CLCN5: variants seen among roughly 807,000 people sequenced by gnomAD.
CLCN5 encodes the protein H(+)/Cl(-) exchange transporter 5.
Under a neutral mutation model 54.0 loss-of-function variants are expected in CLCN5, and 17 were observed. That is an observed-to-expected ratio of 0.31 (90% CI 0.22 to 0.47). CLCN5 has a LOEUF of 0.47. Ranked by LOEUF, CLCN5 falls within the 20% of genes least tolerant of loss-of-function variation. The pLI, the probability that CLCN5 is intolerant of heterozygous loss-of-function variation, is 1.00. For missense variants in CLCN5, 448 were observed against 646.7 expected, an observed-to-expected ratio of 0.69 and a Z score of 3.33; for synonymous variants, 222 against 233.0, an observed-to-expected ratio of 0.95 and a Z score of 0.43.
chrX:50,004,648 C>G, intron 3 of CLCN5, among the ~76,000 whole-genome samples: 1 of 111,771 alleles, frequency 8.9e-6, no homozygotes, highest in East Asian at 2.8e-4. Context: ...GGGCTCATGC[C>G]TGTAATCTCA....
chrX:49,995,440 G>A (rs933347283), intron 3 of CLCN5, among the ~76,000 whole-genome samples: 5 of 111,712 alleles, frequency 4.5e-5, no homozygotes, highest in Non-Finnish European at 9.4e-5. Flanking sequence ...CCGAGCAAGG[G>A]TAAAGTCAGT....
At chrX:49,981,693 C>CTT (rs5902467) in intron 3 of CLCN5, among the ~76,000 whole-genome samples, 4 of 96,393 alleles carry the variant, frequency 4.1e-5, no homozygotes, top group Non-Finnish European at 4.2e-5. Context: ...GCCATTGAAC[C>CTT]TTTTTTTTTT....
chrX:50,015,570 G>A (rs1259693305), intron 3 of CLCN5, among the ~76,000 whole-genome samples: 4 of 108,602 alleles, frequency 3.7e-5, no homozygotes, highest in Admixed American at 3.0e-4. Flanking sequence ...TCAGTCTATC[G>A]CTCTCTCTGT....
rs782679367 is a variant in CLCN5 at position 50,070,050 on chromosome X, A to G, written c.315+20A>G. 1.4e-5 allele frequency: 17 copies of G among 1,189,635 alleles called. No homozygotes were observed. Among genetic ancestry groups the G allele is most frequent in the Non-Finnish European group, 9.1e-6 (8 of 876,861 alleles). On this transcript the variant is annotated intron_variant, in intron 5 of 14. Coordinates refer to ENST00000376091, the MANE Select transcript of CLCN5 (RefSeq NM_001127898.4). ...CGAGAGGTAAGACAAAAGATGGCAC[A>G]TGGGTAAGTGTTAGGAAATACAGGG... is the stretch of plus-strand genomic sequence containing the variant.
chrX:49,942,866 C>G (rs1434505124), intron 3 of CLCN5, among the ~76,000 whole-genome samples: 1 of 108,213 alleles, frequency 9.2e-6, no homozygotes, highest in African/African-American at 3.4e-5. Flanking sequence ...AATAAACATA[C>G]GTGTACATGT....
chrX:49,945,861 A>G (rs951013602), intron 3 of CLCN5, among the ~76,000 whole-genome samples: 1 of 108,470 alleles, frequency 9.2e-6, no homozygotes. Context: ...GGTTCAAGCA[A>G]TTCTCCTGCC....
Position 50,094,186 on chromosome X carries a change from A to G in CLCN5, c.*1967A>G, listed in dbSNP as rs1448538603. On this transcript the variant is annotated 3_prime_UTR_variant, in exon 15 of 15. Transcript: ENST00000376091. Reference sequence around the variant, plus strand: ...AGGGTTATTTTATTTTTATCTTTAAAATAATCAAGGCAGTCGCTAGAGTTT... The same window carrying G: ...AGGGTTATTTTATTTTTATCTTTAAGATAATCAAGGCAGTCGCTAGAGTTT... 1.8e-5 allele frequency: 2 copies of G among 111,934 alleles called. No individual in the cohort carries two copies. Among genetic ancestry groups the G allele is most frequent in the Non-Finnish European group, 3.8e-5 (2 of 53,249 alleles). 9.2% of individuals were successfully genotyped at this position (111,934 alleles called of 1,213,427 possible).
chrX:49,958,938 TCTTA>T (rs1158989148), intron 3 of CLCN5, among the ~76,000 whole-genome samples: 5 of 112,137 alleles, frequency 4.5e-5, no homozygotes, highest in African/African-American at 1.6e-4. Context: ...GGGTAGATGA[TCTTA>T]CTTTGAAAAA....
intron 3 of CLCN5, among the ~76,000 whole-genome samples, chrX:50,009,436 T>A (rs575146594): frequency 8.9e-6 from 1 of 111,758 alleles, no homozygotes; most frequent in African/African-American, 3.2e-5. Context: ...CCACATACAG[T>A]TTGTCCCAAC....
intron 3 of CLCN5, among the ~76,000 whole-genome samples, chrX:49,956,505 C>T (rs1034719612): frequency 6.3e-5 from 7 of 111,894 alleles, no homozygotes; most frequent in Non-Finnish European, 9.4e-5. Context: ...GTTGTTATTC[C>T]GTTGTCATGG....
At chrX:50,014,501 T>C (rs1323581623) in intron 3 of CLCN5, 2 of 283,827 alleles carry the variant, frequency 7.0e-6, no homozygotes, top group African/African-American at 5.8e-5. Flanking sequence ...TCCCAACATA[T>C]ACACAATGCA....
At chrX:50,013,377 C>T (rs376672630) in intron 3 of CLCN5, 11 of 339,425 alleles carry the variant, frequency 3.2e-5, no homozygotes, top group African/African-American at 2.7e-4. Flanking sequence ...GTGTTTATTG[C>T]GCACTTTTGA....
chrX:49,940,469 G>T (rs1037142064), intron 3 of CLCN5, among the ~76,000 whole-genome samples: 5 of 111,745 alleles, frequency 4.5e-5, no homozygotes, highest in Non-Finnish European at 7.5e-5. Context: ...TTCTGTGGTA[G>T]TCCACAACTC....
At chrX:50,003,888 A>G (rs1930014796) in intron 3 of CLCN5, among the ~76,000 whole-genome samples, 1 of 111,809 alleles carries the variant, frequency 8.9e-6, no homozygotes, top group Non-Finnish European at 1.9e-5. Context: ...ACTCCTGTAC[A>G]TGGGGCATGA....
At chrX:49,985,483 T>C (rs1401220624) in intron 3 of CLCN5, among the ~76,000 whole-genome samples, 1 of 112,130 alleles carries the variant, frequency 8.9e-6, no homozygotes, top group African/African-American at 3.2e-5. Flanking sequence ...GGTTTAGATA[T>C]ACTGAATTCT....
chrX:50,055,182 A>G (rs1932706839), intron 4 of CLCN5, among the ~76,000 whole-genome samples: 1 of 112,118 alleles, frequency 8.9e-6, no homozygotes, highest in African/African-American at 3.2e-5. Context: ...ATCATTTGGA[A>G]TTCTTCAAAG....
intron 3 of CLCN5, among the ~76,000 whole-genome samples, chrX:49,987,989 C>T (rs1929062618): frequency 9.0e-6 from 1 of 111,250 alleles, no homozygotes; most frequent in Non-Finnish European, 1.9e-5. Context: ...TATGGTTATA[C>T]CCCTAGGCCC....
intron 3 of CLCN5, among the ~76,000 whole-genome samples, chrX:49,990,416 A>G (rs1167219459): frequency 1.0e-5 from 1 of 100,116 alleles, no homozygotes; most frequent in East Asian, 3.3e-4. Flanking sequence ...ACCCTTCCCC[A>G]CAAGTCACCA....
chrX:50,007,423 C>T (rs1557181588), intron 3 of CLCN5, among the ~76,000 whole-genome samples: 27 of 86,492 alleles, frequency 3.1e-4, no homozygotes, highest in African/African-American at 2.3e-3. Context: ...CTCTCTCTCT[C>T]TCTCTCTCTC....
Sources: gnomAD v4.1 joint callset for allele counts (sites outside exome capture counted in the v4.1 genomes callset) on GRCh38, gnomAD v4.1.1 for gene constraint, MANE v1.5 for transcripts, NCBI Gene and HGNC (gene_info 2026-07-23, HGNC 2026-07-21) for gene names.